NDUFA10: variants seen among roughly 807,000 people sequenced by gnomAD.
The protein encoded by NDUFA10 is NADH dehydrogenase [ubiquinone] 1 alpha subcomplex subunit 10, mitochondrial.
Under a neutral mutation model 47.8 loss-of-function variants are expected in NDUFA10, and 40 were observed. That is an observed-to-expected ratio of 0.84 (90% CI 0.65 to 1.09). The LOEUF (loss-of-function observed/expected upper bound fraction) is 1.09, where lower values mean the gene tolerates loss of function less well. NDUFA10 is among the 50% of genes least tolerant of loss of function. The pLI, the probability that NDUFA10 is intolerant of heterozygous loss-of-function variation, is 0.00. For synonymous variants in NDUFA10, 183 were observed against 172.2 expected, an observed-to-expected ratio of 1.06 and a Z score of -0.49; for missense variants, 413 against 451.1, an observed-to-expected ratio of 0.92 and a Z score of 0.76.
rs988024535 is a variant in NDUFA10 at position 239,901,756 on chromosome 2, C to T, written c.295-6442G>A. Among the ~76,000 whole-genome samples, 14 of 151,452 alleles carry T rather than the reference C, an allele frequency of 9.2e-5. No homozygotes were observed. In the Admixed American group the frequency reaches 9.3e-4, roughly 10 times the overall value. On this transcript the variant is annotated intron_variant, in intron 4 of 5. Transcript: ENST00000419408. ...TCGTCATTCTAGATGCCAGTAAGAA[C>T]ATTTTTGATTCATGGGAGGAAGTCA...
intron 4 of NDUFA10, among the ~76,000 whole-genome samples, chr2:239,908,469 C>G (rs1317072038): frequency 6.6e-6 from 1 of 152,214 alleles, no homozygotes; most frequent in Non-Finnish European, 1.5e-5. Context: ...TGCTCCCAGA[C>G]TTGAGAGTCA....
intron 9 of NDUFA10, among the ~76,000 whole-genome samples, chr2:239,962,559 T>C (rs1179203081): frequency 3.3e-5 from 5 of 152,196 alleles, no homozygotes; most frequent in Non-Finnish European, 7.3e-5. Context: ...TCTCCTCTCC[T>C]AGGTGCACAG....
At position 239,959,065 on chromosome 2, in the gene NDUFA10, T is replaced by C. The variant is rs1694740301; in HGVS notation, c.*2053A>G. On this transcript the variant is annotated 3_prime_UTR_variant, in exon 10 of 10. Coordinates refer to ENST00000252711, the MANE Select transcript of NDUFA10 (RefSeq NM_004544.4). ...ATGTGGAGAGAAGAATTGGACAGTG[T>C]TTATTCATCTTTCTCTGCTGAACAT... 1 of 985,482 alleles carries C rather than the reference T, an allele frequency of 1.0e-6. No individual in the cohort carries two copies. Among genetic ancestry groups the C allele is most frequent in the Non-Finnish European group, 1.2e-6 (1 of 829,952 alleles). The allele number at this position is 985,482 out of a possible 1,614,324, so 61.0% of individuals were successfully genotyped here.
Position 240,011,672 on chromosome 2 carries a change from CA to C in NDUFA10, c.693del (p.Ala232ProfsTer18). The C allele has an allele frequency of 1.2e-6, 2 of 1,613,406 alleles. No homozygotes were observed. Among genetic ancestry groups the C allele is most frequent in the Non-Finnish European group, 1.7e-6 (2 of 1,179,348 alleles). ...GCATTCTCAATGTCCTGTAGATAGG[CA>C]GAGGTGATCTTCATTTCATGTGGCT... The part of the protein sequence containing the change: ...KGDPHEMKIT[S>X]AYLQDIENAY... On this transcript the variant is annotated frameshift_variant, in exon 6 of 10. Transcript: ENST00000252711. LOFTEE classifies it high-confidence loss of function.
At chr2:239,954,315 C>A (rs1224329624), downstream of NDUFA10, among the ~76,000 whole-genome samples, 16 of 152,012 alleles carry the variant, frequency 1.1e-4, no homozygotes, top group African/African-American at 3.9e-4. Flanking sequence ...TGAGTGACCA[C>A]CCCAGGACCG....
chr2:239,960,407 A>T lies in NDUFA10; in HGVS notation c.*711T>A. The T allele has an allele frequency of 2.0e-6, 2 of 986,306 alleles. No homozygotes were observed. The highest frequency in any genetic ancestry group is 2.4e-6 in the Non-Finnish European group (2 of 830,574). The allele number at this position is 986,306 out of a possible 1,614,324, so 61.1% of individuals were successfully genotyped here. A position where few individuals can be genotyped will look rare whatever the true frequency, so the allele number is the denominator to read the frequency against. ...GTATATTATTTTGCTTTTGCATCTT[A>T]TGTCATCAACAGCCTAAGCTCAAAT... On this transcript the variant is annotated 3_prime_UTR_variant, in exon 10 of 10. Transcript: ENST00000252711.
At chr2:239,907,839 C>T (rs1161629303) in intron 4 of NDUFA10, among the ~76,000 whole-genome samples, 2 of 152,184 alleles carry the variant, frequency 1.3e-5, no homozygotes, top group African/African-American at 4.8e-5. Flanking sequence ...GACAGTGTGG[C>T]AATTCCTCAA....
At chr2:239,909,883 A>T (rs1371556386) in intron 4 of NDUFA10, among the ~76,000 whole-genome samples, 1 of 152,080 alleles carries the variant, frequency 6.6e-6, no homozygotes, top group African/African-American at 2.4e-5. Flanking sequence ...CGAGTCTACA[A>T]GCAACTTAAA....
chr2:239,986,590 T>C (rs1003894435), intron 9 of NDUFA10, among the ~76,000 whole-genome samples: 2 of 152,160 alleles, frequency 1.3e-5, no homozygotes, highest in Non-Finnish European at 2.9e-5. Flanking sequence ...TGGGAGTCCA[T>C]AGTGATATAT....
At chr2:239,919,876 G>A (rs902075888) in intron 4 of NDUFA10, among the ~76,000 whole-genome samples, 3 of 152,212 alleles carry the variant, frequency 2.0e-5, no homozygotes, top group African/African-American at 7.2e-5. Context: ...GGAGGGGTGG[G>A]GCCGCCCAGG....
At chr2:239,971,668 C>T (rs974125742) in intron 9 of NDUFA10, among the ~76,000 whole-genome samples, 5 of 152,186 alleles carry the variant, frequency 3.3e-5, no homozygotes, top group Admixed American at 1.3e-4. Flanking sequence ...GACTTGCCTA[C>T]GGTCACGTGG....
chr2:239,989,134 G>A (rs764542338), intron 9 of NDUFA10, among the ~76,000 whole-genome samples: 5 of 152,188 alleles, frequency 3.3e-5, no homozygotes, highest in Admixed American at 1.3e-4. Flanking sequence ...ATTATTAACC[G>A]CAGGTGCCTC....
chr2:240,012,359 T>C (rs1246337788), intron 5 of NDUFA10: 1 of 160,484 alleles, frequency 6.2e-6, no homozygotes, highest in Non-Finnish European at 1.4e-5. Flanking sequence ...ATTTATCTCC[T>C]TGCTTGCTGT....
intron 4 of NDUFA10, among the ~76,000 whole-genome samples, chr2:239,935,817 T>C (rs1271868385): frequency 1.3e-5 from 2 of 152,214 alleles, no homozygotes; most frequent in Non-Finnish European, 2.9e-5. Context: ...CCTTTCACCT[T>C]CTGCCATGAT....
chr2:240,003,427 G>A (rs538339431), intron 8 of NDUFA10, among the ~76,000 whole-genome samples: 25 of 152,312 alleles, frequency 1.6e-4, no homozygotes, highest in African/African-American at 4.6e-4. Context: ...CCAGGCCCTC[G>A]AGAGGCAAAG....
chr2:239,961,680 G>C (rs1694857806), intron 9 of NDUFA10, among the ~76,000 whole-genome samples: 1 of 152,248 alleles, frequency 6.6e-6, no homozygotes, highest in East Asian at 1.9e-4. Flanking sequence ...CCTTGGCGGA[G>C]TAGGAAAGTG....
At chr2:239,998,166 T>C (rs765559728) in intron 8 of NDUFA10, among the ~76,000 whole-genome samples, 2 of 152,230 alleles carry the variant, frequency 1.3e-5, no homozygotes, top group African/African-American at 2.4e-5. Context: ...TGTTCCCGAC[T>C]TTCTCTTCCA....
At chr2:239,899,031 TGTAAA>T (rs1693467454) in intron 4 of NDUFA10, among the ~76,000 whole-genome samples, 1 of 58,372 alleles carries the variant, frequency 1.7e-5, no homozygotes, top group East Asian at 5.5e-4. Context: ...CATGGAGGGG[TGTAAA>T]GGAGGGGTGT....
intron 4 of NDUFA10, 97 bp downstream of exon 4, chr2:240,018,456 C>A: frequency 6.2e-7 from 1 of 1,607,214 alleles, no homozygotes; most frequent in Non-Finnish European, 8.5e-7. Context: ...ATCTATCTAA[C>A]AGACATTCAT....
Sources: gnomAD v4.1 joint callset for allele counts (sites outside exome capture counted in the v4.1 genomes callset) on GRCh38, gnomAD v4.1.1 for gene constraint, MANE v1.5 for transcripts, NCBI Gene and HGNC (gene_info 2026-07-23, HGNC 2026-07-21) for gene names.